PPP1R21: variants seen among roughly 807,000 people sequenced by gnomAD.
PPP1R21 encodes KLRAQ motif containing 1.
PPP1R21 carries 85 observed loss-of-function variants against 112.8 expected under a neutral mutation model. The observed-to-expected ratio is 0.75, with a 90% confidence interval of 0.63 to 0.90. The LOEUF (loss-of-function observed/expected upper bound fraction) is 0.90. Among genes scored for constraint, PPP1R21 ranks in the 40% least tolerant of loss-of-function variants. The pLI, the probability that PPP1R21 is intolerant of heterozygous loss-of-function variation, is 0.00. For missense variants in PPP1R21, 1,199 were observed against 901.5 expected (o/e 1.33, Z -4.23); for synonymous variants, 381 against 322.3 (o/e 1.18, Z -1.95).
chr2:48,507,123 G>T, intron 18 of PPP1R21, 146 bp from the exon 19 acceptor site: 2 of 1,199,668 alleles, frequency 1.7e-6, no homozygotes, highest in Admixed American at 4.1e-5. Context: ...TATGTCTGAA[G>T]TTTCTTCGAG....
At chr2:48,453,444 C>T (rs376651096) in intron 2 of PPP1R21, among the ~76,000 whole-genome samples, 1 of 151,926 alleles carries the variant, frequency 6.6e-6, no homozygotes, top group Non-Finnish European at 1.5e-5. Flanking sequence ...CCTCCTGTCT[C>T]GGCTTCCCAA....
intron 1 of PPP1R21, among the ~76,000 whole-genome samples, chr2:48,443,009 A>G (rs1432695441): frequency 1.3e-5 from 2 of 152,174 alleles, no homozygotes; most frequent in African/African-American, 4.8e-5. Context: ...CTGTTGAAAT[A>G]GTTTTGGGGA....
In PPP1R21 at chr2:48,459,929, T is replaced by C. The variant is rs768705064; in HGVS notation, c.540+11T>C. ...AAGGCTAAACTAGAAGTAAGCCCCA[T>C]TGTGAGAGCACACTAAAAAATAGTT... On this transcript the variant is annotated intron_variant, in intron 5 of 21. Coordinates refer to ENST00000294952, the MANE Select transcript of PPP1R21 (RefSeq NM_001135629.3). 7 of 1,610,636 alleles carry C rather than the reference T, an allele frequency of 4.3e-6. No homozygotes were observed. The highest frequency in any genetic ancestry group is 3.4e-5 in the Admixed American group (2 of 59,320).
chr2:48,494,028 C>G (rs1193399831), intron 15 of PPP1R21, among the ~76,000 whole-genome samples: 6 of 143,778 alleles, frequency 4.2e-5, no homozygotes, highest in African/African-American at 1.6e-4. Context: ...TCGAGATCAG[C>G]CTGGGCAACA....
At chr2:48,461,358 C>T (rs940344178) in intron 7 of PPP1R21, 126 bp downstream of exon 7, 10 of 1,307,434 alleles carry the variant, frequency 7.6e-6, no homozygotes, top group Non-Finnish European at 9.8e-6. Flanking sequence ...ATTGCTTTCT[C>T]TTTGTTCATT....
At chr2:48,441,220 T>G (rs916326309) in intron 1 of PPP1R21, 1 of 599,568 alleles carries the variant, frequency 1.7e-6, no homozygotes, top group Admixed American at 3.3e-5. Flanking sequence ...GTGAGCGTTT[T>G]TGCAGGGAGA....
chr2:48,510,163 C>A, intron 20 of PPP1R21, 50 bp downstream of exon 20: 2 of 1,387,502 alleles, frequency 1.4e-6, no homozygotes, highest in South Asian at 1.2e-5. Flanking sequence ...ATTGAAAGTT[C>A]TTTGGTAGCA....
intron 21 of PPP1R21, among the ~76,000 whole-genome samples, 199 bp from the exon 22 acceptor site, chr2:48,514,516 G>A (rs1318856210): frequency 6.6e-6 from 1 of 152,164 alleles, no homozygotes; most frequent in Non-Finnish European, 1.5e-5. Flanking sequence ...GTCTGTGGAA[G>A]CAGAGAGGAG....
At chr2:48,473,818 C>G (rs529949426) in intron 11 of PPP1R21, among the ~76,000 whole-genome samples, 3 of 151,832 alleles carry the variant, frequency 2.0e-5, no homozygotes, top group Non-Finnish European at 4.4e-5. Context: ...TTTTAAAAAC[C>G]TTGTAATTAA....
At position 48,443,309 on chromosome 2, in the gene PPP1R21, C is replaced by T. The variant is rs1224485727; in HGVS notation, c.57+2299C>T. On this transcript the variant is annotated intron_variant, in intron 1 of 21. Coordinates refer to ENST00000294952, the MANE Select transcript of PPP1R21 (RefSeq NM_001135629.3). ...AGAAGAGCCCGTTCAGAGTGAAGGGCTATAGGAGAGGTTAGATACAGTTGA... is the reference window on the plus strand; with the variant it reads ...AGAAGAGCCCGTTCAGAGTGAAGGGTTATAGGAGAGGTTAGATACAGTTGA... Among the ~76,000 whole-genome samples the T allele has an allele frequency of 2.0e-5, 3 of 152,040 alleles. No individual in the cohort carries two copies. In the East Asian group the frequency reaches 5.8e-4, roughly 29 times the overall value.
intron 13 of PPP1R21, among the ~76,000 whole-genome samples, chr2:48,483,228 T>C: frequency 9.3e-6 from 1 of 108,070 alleles, no homozygotes; most frequent in South Asian, 3.3e-4. Context: ...TTGAGACAAG[T>C]CTCACTCTGT....
At position 48,489,881 on chromosome 2, in the gene PPP1R21, T is replaced by C. The variant is rs4953582; in HGVS notation, c.1447-1137T>C. On this transcript the variant is annotated intron_variant, in intron 14 of 21. Transcript: ENST00000294952. ...CAACATGGTGAAACCCCGTCTCTAC[T>C]AAAAGTACAAAAATTAGCTGGGACG... Among the ~76,000 whole-genome samples the C allele has an allele frequency of 6.6e-4, 100 of 152,038 alleles. 1 individual carries two copies. The East Asian group carries it at 0.018, about 28-fold the overall frequency.
intron 17 of PPP1R21, among the ~76,000 whole-genome samples, chr2:48,502,934 C>T (rs1327257569): frequency 6.6e-6 from 1 of 152,074 alleles, no homozygotes; most frequent in Non-Finnish European, 1.5e-5. Context: ...CCCACCTCGG[C>T]CTCCCAAAGT....
chr2:48,472,239 C>CAAAAAAAA (rs57711610), intron 11 of PPP1R21, among the ~76,000 whole-genome samples: 25 of 43,034 alleles, frequency 5.8e-4, no homozygotes, highest in African/African-American at 1.7e-3. Context: ...GACTCCATCT[C>CAAAAAAAA]AAAAAAAAAA....
chr2:48,503,731 A>T (rs1004312695), intron 17 of PPP1R21, among the ~76,000 whole-genome samples: 1 of 151,936 alleles, frequency 6.6e-6, no homozygotes, highest in Admixed American at 6.6e-5. Flanking sequence ...GTGGATCATG[A>T]GGTCAAGAGT....
chr2:48,470,792 A>G (rs1383833805), intron 9 of PPP1R21, among the ~76,000 whole-genome samples: 1 of 151,950 alleles, frequency 6.6e-6, no homozygotes, highest in Non-Finnish European at 1.5e-5. Flanking sequence ...TTCGCTCCCT[A>G]TTTCCTCTGA....
intron 1 of PPP1R21, among the ~76,000 whole-genome samples, chr2:48,445,043 C>T (rs1354318464): frequency 1.3e-5 from 2 of 151,746 alleles, no homozygotes; most frequent in Non-Finnish European, 2.9e-5. Context: ...TGTTTGCTCT[C>T]CAGATAACAG....
rs776161578 is a variant in PPP1R21 at position 48,474,742 on chromosome 2, A to C, written c.1148A>C (p.Glu383Ala). 1.2e-6 allele frequency: 2 copies of C among 1,613,358 alleles called. No individual in the cohort carries two copies. The highest frequency in any genetic ancestry group is 1.3e-5 in the African/African-American group (1 of 74,926). The change falls in exon 12 of 22, where the codon GAG becomes GCG. Residue 383 changes from glutamate to alanine, a missense_variant. Transcript: ENST00000294952. ...CTSALRARNL[E>A]LSQDMKKMTA... Reference sequence around the variant, plus strand: ...TCTGCGTTAAGAGCCAGGAATCTAGAGCTGTCCCAGGACATGAAAAAAATG... The same window carrying C: ...TCTGCGTTAAGAGCCAGGAATCTAGCGCTGTCCCAGGACATGAAAAAAATG...
chr2:48,442,091 C>T (rs562770838), intron 1 of PPP1R21, among the ~76,000 whole-genome samples: 5 of 152,140 alleles, frequency 3.3e-5, no homozygotes, highest in Non-Finnish European at 7.4e-5. Flanking sequence ...GTTGCATTTC[C>T]ATTTGAAATT....
Sources: gnomAD v4.1 joint callset for allele counts (sites outside exome capture counted in the v4.1 genomes callset) on GRCh38, gnomAD v4.1.1 for gene constraint, MANE v1.5 for transcripts, NCBI Gene and HGNC (gene_info 2026-07-23, HGNC 2026-07-21) for gene names.